The following DAB1 variants were observed in gnomAD, a reference collection of about 807,000 sequenced individuals.
The protein encoded by DAB1 is DAB adaptor protein 1.
In DAB1, 15 loss-of-function variants were observed where a neutral mutation model predicts 64.6. The ratio of observed to expected loss-of-function variants is 0.23; its 90% CI spans 0.16 to 0.36. The LOEUF (loss-of-function observed/expected upper bound fraction) is 0.36. Ranked by LOEUF, DAB1 falls within the 10% of genes least tolerant of loss-of-function variation. DAB1 has a pLI of 1.00. For missense variants in DAB1, 596 were observed against 706.7 expected, an observed-to-expected ratio of 0.84 and a Z score of 1.78; for synonymous variants, 235 against 251.9, an observed-to-expected ratio of 0.93 and a Z score of 0.64.
intron 7 of DAB1, among the ~76,000 whole-genome samples, chr1:57,457,913 C>T (rs1483746604): frequency 6.6e-6 from 1 of 152,066 alleles, no homozygotes; most frequent in African/African-American, 2.4e-5. Flanking sequence ...TTGAAGAAAA[C>T]TTTGCTGAGA....
intron 3 of DAB1, among the ~76,000 whole-genome samples, chr1:57,138,500 T>C (rs1233582224): frequency 1.3e-5 from 2 of 152,146 alleles, no homozygotes; most frequent in Non-Finnish European, 2.9e-5. Flanking sequence ...TCCATATTGA[T>C]ATAAGACCCC....
intron 4 of DAB1, among the ~76,000 whole-genome samples, chr1:58,175,998 G>T (rs1295632509): frequency 2.0e-5 from 3 of 152,168 alleles, no homozygotes; most frequent in African/African-American, 4.8e-5. Flanking sequence ...TAATAGCACT[G>T]GGCTCACACT....
intron 2 of DAB1, among the ~76,000 whole-genome samples, chr1:57,198,649 T>TCACACACACACACACACA (rs57872654): frequency 7.8e-6 from 1 of 128,264 alleles, no homozygotes; most frequent in Non-Finnish European, 1.7e-5. Flanking sequence ...CTTCTCTCTC[T>TCACACACACACACACACA]CACACACACA....
At chr1:57,508,422 C>T (rs1008448055) in intron 7 of DAB1, among the ~76,000 whole-genome samples, 4 of 152,236 alleles carry the variant, frequency 2.6e-5, no homozygotes, top group African/African-American at 9.6e-5. Flanking sequence ...AATGTCACTG[C>T]TTCAAGGAAG....
intron 7 of DAB1, among the ~76,000 whole-genome samples, chr1:57,540,048 T>C (rs1644782636): frequency 2.0e-5 from 3 of 152,200 alleles, no homozygotes; most frequent in African/African-American, 7.2e-5. Context: ...GTACATGTTC[T>C]AGAGAGGGAT....
chr1:57,740,484 G>C (rs1647931880), intron 6 of DAB1, among the ~76,000 whole-genome samples: 1 of 152,180 alleles, frequency 6.6e-6, no homozygotes, highest in Non-Finnish European at 1.5e-5. Flanking sequence ...TACATGTAAA[G>C]TGCCTAGCAC....
At chr1:57,067,500 T>G (rs1651032010) in intron 8 of DAB1, among the ~76,000 whole-genome samples, 2 of 152,144 alleles carry the variant, frequency 1.3e-5, no homozygotes, top group South Asian at 4.1e-4. Context: ...TTGTGAGAGA[T>G]AAGATATTGC....
At chr1:58,292,365 G>T (rs1435840320) in intron 4 of DAB1, among the ~76,000 whole-genome samples, 12 of 152,184 alleles carry the variant, frequency 7.9e-5, no homozygotes, top group Admixed American at 7.9e-4. Context: ...AAGAAAAAAA[G>T]TATCATCAAA....
intron 4 of DAB1, among the ~76,000 whole-genome samples, chr1:58,218,953 G>A (rs1442059872): frequency 6.8e-6 from 1 of 147,060 alleles, no homozygotes; most frequent in Non-Finnish European, 1.5e-5. Flanking sequence ...CTCTCCATGT[G>A]GTTTTCTAAG....
chr1:58,332,626 C>T (rs74355428), intron 4 of DAB1, among the ~76,000 whole-genome samples: 2,429 of 152,192 alleles, frequency 0.016, 90 homozygotes, highest in African/African-American at 0.056. Context: ...TAGCAACAAG[C>T]AGAAATACAA....
At chr1:58,118,276 T>C (rs2100664724) in intron 5 of DAB1, among the ~76,000 whole-genome samples, 1 of 150,608 alleles carries the variant, frequency 6.6e-6, no homozygotes, top group Admixed American at 6.7e-5. Context: ...CACTCACTCA[T>C]TCAGCAACAC....
At chr1:57,687,580 C>A (rs1435262723) in intron 6 of DAB1, among the ~76,000 whole-genome samples, 5 of 96,132 alleles carry the variant, frequency 5.2e-5, no homozygotes, top group Admixed American at 3.7e-4. Context: ...ACCTGAATAT[C>A]GAAAGTAATC....
rs569594140 is a variant in DAB1, at chr1:57,776,124, T to C, written n.551+107875A>G. Reference sequence around the variant, plus strand: ...GAAAGTGTGTTTCTTGCAGACAGCATATAAAGGTTGAGTATCCCTAATCTA... The same window carrying C: ...GAAAGTGTGTTTCTTGCAGACAGCACATAAAGGTTGAGTATCCCTAATCTA... On this transcript the variant is annotated intron_variant and non_coding_transcript_variant, in intron 6 of 20. Transcript: ENST00000485760. Among the ~76,000 whole-genome samples the C allele has an allele frequency of 2.6e-5, 4 of 151,838 alleles. No homozygotes were observed. In the South Asian group the frequency reaches 8.3e-4, roughly 31 times the overall value.
rs75129043 is a variant in DAB1 at position 58,534,181 on chromosome 1, T to C, written n.33-6846A>G. ...ACTGGAAGCACGAAGGCATTAATAA[T>C]TGGGGAATCAACCACATGAATAACC... On this transcript the variant is annotated intron_variant and non_coding_transcript_variant, in intron 1 of 20. Transcript: ENST00000485760. The C allele has an allele frequency of 1.9e-3, 1,695 of 871,604 alleles. 18 individuals are homozygous for C. The East Asian group carries it at 0.02, about 10-fold the overall frequency. 54.0% of individuals were successfully genotyped at this position (871,604 alleles called of 1,614,324 possible).
At chr1:58,218,310 C>A (rs1175635877) in intron 4 of DAB1, among the ~76,000 whole-genome samples, 1 of 152,188 alleles carries the variant, frequency 6.6e-6, no homozygotes, top group Non-Finnish European at 1.5e-5. Flanking sequence ...GGAGCCAGAG[C>A]CGCCTGGAGT....
At chr1:57,780,928 A>G (rs1650038566) in intron 6 of DAB1, among the ~76,000 whole-genome samples, 2 of 151,278 alleles carry the variant, frequency 1.3e-5, no homozygotes, top group African/African-American at 2.4e-5. Context: ...GGATTTTGCC[A>G]TGTTGGCCAG....
chr1:58,192,665 GTGT>G (rs1657452898), intron 4 of DAB1, among the ~76,000 whole-genome samples: 1 of 152,112 alleles, frequency 6.6e-6, no homozygotes, highest in Non-Finnish European at 1.5e-5. Flanking sequence ...ATATATGTGT[GTGT>G]GTGTATGTAT....
At chr1:57,145,524 T>A in intron 2 of DAB1, 95 bp from the exon 3 acceptor site, 1 of 1,338,458 alleles carries the variant, frequency 7.5e-7, no homozygotes, top group Non-Finnish European at 1.0e-6. Context: ...TGGTTTCATC[T>A]ACATTCCCGG....
chr1:58,523,443 C>T (rs576450391), intron 2 of DAB1, among the ~76,000 whole-genome samples: 1 of 152,280 alleles, frequency 6.6e-6, no homozygotes, highest in Admixed American at 6.5e-5. Context: ...AACAACCTTT[C>T]CCTAAAGTAC....
Sources: allele counts gnomAD v4.1 joint callset (sites outside exome capture counted in the v4.1 genomes callset), GRCh38; gene constraint gnomAD v4.1.1; transcripts MANE v1.5; gene names NCBI Gene and HGNC (gene_info 2026-07-23, HGNC 2026-07-21).